Variants in TRPC5 observed in about 807,000 individuals in gnomAD.
TRPC5 encodes transient receptor potential cation channel subfamily C member 5.
In TRPC5, 9 loss-of-function variants were observed where a neutral mutation model predicts 56.5. The ratio of observed to expected loss-of-function variants is 0.16; its 90% CI spans 0.10 to 0.28. TRPC5 has a LOEUF of 0.28. Ranked by LOEUF, TRPC5 falls within the 10% of genes least tolerant of loss-of-function variation. The pLI is 1.00. For synonymous variants in TRPC5, 282 were observed against 278.5 expected (o/e 1.01, Z -0.13); for missense variants, 469 against 748.9 (o/e 0.63, Z 4.36).
intron 1 of TRPC5, among the ~76,000 whole-genome samples, chrX:111,977,739 C>A (rs777035953): frequency 3.6e-5 from 4 of 111,560 alleles, no homozygotes; most frequent in South Asian, 3.7e-4. Context: ...TAGTATCCAA[C>A]ATATATAAGA....
At chrX:111,909,152 TAA>T (rs1170515112) in intron 3 of TRPC5, among the ~76,000 whole-genome samples, 2,574 of 34,020 alleles carry the variant, frequency 0.076, 38 homozygotes, top group Middle Eastern at 0.23. Context: ...ATAAATTAAT[TAA>T]AAAAAAAAAA....
chrX:112,059,224 C>T (rs1224420090), intron 1 of TRPC5, among the ~76,000 whole-genome samples: 2 of 111,656 alleles, frequency 1.8e-5, no homozygotes, highest in Non-Finnish European at 3.8e-5. Flanking sequence ...CATTGCCACT[C>T]CTGGATTTTA....
At chrX:111,963,994 G>C (rs1481709151) in intron 1 of TRPC5, among the ~76,000 whole-genome samples, 3 of 112,039 alleles carry the variant, frequency 2.7e-5, no homozygotes, top group African/African-American at 9.8e-5. Context: ...GACGAGTTGA[G>C]AGAGGAAGGC....
intron 3 of TRPC5, among the ~76,000 whole-genome samples, chrX:111,909,135 TAAATA>T (rs1252789460): frequency 1.7e-5 from 1 of 59,762 alleles, no homozygotes; most frequent in Non-Finnish European, 2.9e-5. Flanking sequence ...AATAAATAAA[TAAATA>T]AATAAATTAA....
rs1269780305 is a variant in TRPC5, at chrX:111,774,230, T to G, written c.*2083A>C. 2.7e-5 allele frequency: 3 copies of G among 112,176 alleles called. No individual in the cohort carries two copies. The highest frequency in any genetic ancestry group is 5.6e-5 in the Non-Finnish European group (3 of 53,154). 9.2% of individuals were successfully genotyped at this position (112,176 alleles called of 1,213,427 possible). A position where few individuals can be genotyped will look rare whatever the true frequency, so the allele number is the denominator to read the frequency against. On this transcript the variant is annotated 3_prime_UTR_variant, in exon 11 of 11. Transcript: ENST00000262839. ...GTTGATAAGGTCACTGCTAGAAAACTTATAAGTTTTCAGAAGTGATATACA... is the reference window on the plus strand; with the variant it reads ...GTTGATAAGGTCACTGCTAGAAAACGTATAAGTTTTCAGAAGTGATATACA...
intron 2 of TRPC5, among the ~76,000 whole-genome samples, chrX:111,915,124 T>C (rs186797657): frequency 1.4e-3 from 157 of 111,350 alleles, no homozygotes; most frequent in Non-Finnish European, 2.5e-3. Context: ...ACTCTTTTCC[T>C]TTCTTTTCTT....
chrX:111,915,204 T>C (rs953899009), intron 2 of TRPC5, among the ~76,000 whole-genome samples: 1 of 112,205 alleles, frequency 8.9e-6, no homozygotes, highest in Non-Finnish European at 1.9e-5. Flanking sequence ...GCCCCACTTG[T>C]ATGATAGAGC....
chrX:111,966,489 A>G (rs1484319766), intron 1 of TRPC5, among the ~76,000 whole-genome samples: 6 of 112,137 alleles, frequency 5.4e-5, no homozygotes, highest in African/African-American at 1.6e-4. Flanking sequence ...TGAGGCCAGC[A>G]TCATCCTGAT....
At chrX:112,006,376 G>C (rs1052123511) in intron 1 of TRPC5, among the ~76,000 whole-genome samples, 2 of 111,551 alleles carry the variant, frequency 1.8e-5, no homozygotes, top group Admixed American at 1.9e-4. Flanking sequence ...TGTTTACTAA[G>C]GGCCGGCCAG....
At chrX:111,881,108 GT>G (rs954948393) in intron 3 of TRPC5, among the ~76,000 whole-genome samples, 3 of 110,399 alleles carry the variant, frequency 2.7e-5, no homozygotes, top group African/African-American at 1.0e-4. Context: ...GGAATGCTAT[GT>G]TTTTTTGTTG....
rs768291488 is a variant in TRPC5 at position 111,825,556 on chromosome X, C to G, written c.1896+9365G>C. 4.5e-5 allele frequency among the ~76,000 whole-genome samples: 5 copies of G among 110,926 alleles called. No individual in the cohort carries two copies. In the South Asian group the frequency reaches 1.9e-3, roughly 43 times the overall value. On this transcript the variant is annotated intron_variant, in intron 7 of 10. Transcript: ENST00000262839. ...TACAGGCATGAGCCACTGCACCCGG[C>G]CCACTCTAGGACTTTCAAATCTAGA...
chrX:111,786,967 G>C (rs958106722), intron 7 of TRPC5, among the ~76,000 whole-genome samples: 3 of 110,853 alleles, frequency 2.7e-5, no homozygotes, highest in African/African-American at 9.9e-5. Flanking sequence ...AATAATAATG[G>C]GAGACTTTAC....
At chrX:111,799,542 G>C (rs1237299713) in intron 7 of TRPC5, among the ~76,000 whole-genome samples, 1 of 111,114 alleles carries the variant, frequency 9.0e-6, no homozygotes, top group African/African-American at 3.3e-5. Context: ...TATGGAAAGT[G>C]CTGTCAATGC....
At position 111,912,421 on chromosome X, in the gene TRPC5, T is replaced by G. The variant is rs1481335597; in HGVS notation, c.770A>C (p.Asp257Ala). ...QCKLFAKDLL[D>A]QARSSRELEI... ...CAGTTCCCTGGAGCTCCGAGCTTGGTCCAGCAGGTCTTTGGCAAAGAGCTT... is the reference window on the plus strand; with the variant it reads ...CAGTTCCCTGGAGCTCCGAGCTTGGGCCAGCAGGTCTTTGGCAAAGAGCTT... Residue 257 changes from aspartate (D) to alanine (A), a missense_variant, in exon 3 of 11, where the codon GAC (aspartate) becomes GCC (alanine). Asp to Ala is a moderately radical substitution (Grantham distance 126). Transcript: ENST00000262839. The G allele has an allele frequency of 8.3e-7, 1 of 1,209,658 alleles. No homozygotes were observed. Among genetic ancestry groups the G allele is most frequent in the Non-Finnish European group, 1.1e-6 (1 of 895,215 alleles).
intron 1 of TRPC5, among the ~76,000 whole-genome samples, chrX:112,056,342 A>G (rs1203078299): frequency 8.9e-6 from 1 of 112,349 alleles, no homozygotes; most frequent in Non-Finnish European, 1.9e-5. Context: ...ACTGGGATAC[A>G]TGTTTACTTA....
At chrX:111,913,257 A>AT (rs1168841515) in intron 2 of TRPC5, among the ~76,000 whole-genome samples, 2 of 111,209 alleles carry the variant, frequency 1.8e-5, no homozygotes. Flanking sequence ...AGTAAAGGAC[A>AT]TTTTTCCTGA....
chrX:111,968,003 C>T (rs1927653370), intron 1 of TRPC5, among the ~76,000 whole-genome samples: 1 of 110,798 alleles, frequency 9.0e-6, no homozygotes, highest in South Asian at 3.8e-4. Flanking sequence ...AGCTTCTGCA[C>T]AGCAAAAGAA....
intron 7 of TRPC5, among the ~76,000 whole-genome samples, chrX:111,820,944 C>T (rs1922012847): frequency 9.0e-6 from 1 of 111,079 alleles, no homozygotes; most frequent in Non-Finnish European, 1.9e-5. Context: ...AGAGAAAAAC[C>T]CTGTGGTATA....
chrX:111,985,047 C>A (rs1928177008), intron 1 of TRPC5, among the ~76,000 whole-genome samples: 1 of 112,199 alleles, frequency 8.9e-6, no homozygotes, highest in Admixed American at 9.5e-5. Flanking sequence ...TGGTGGGAAT[C>A]ACCATCACCA....
Sources: allele counts gnomAD v4.1 joint callset (sites outside exome capture counted in the v4.1 genomes callset), GRCh38; gene constraint gnomAD v4.1.1; transcripts MANE v1.5; gene names NCBI Gene and HGNC (gene_info 2026-07-23, HGNC 2026-07-21).